Variants in CFDP1 observed in about 807,000 individuals in gnomAD.
CFDP1 encodes heterochromatin-stabilizing protein CFDP1.
In CFDP1, 31 loss-of-function variants were observed where a neutral mutation model predicts 40.1. The observed-to-expected ratio is 0.77, with a 90% confidence interval of 0.58 to 1.04. The LOEUF is 1.04. Among genes scored for constraint, CFDP1 ranks in the 50% least tolerant of loss-of-function variants. CFDP1 has a pLI of 0.00. For synonymous variants in CFDP1, 167 were observed against 120.0 expected (o/e 1.39, Z -2.56); for missense variants, 423 against 343.4 (o/e 1.23, Z -1.83).
At chr16:75,406,092 A>C (rs2079097043) in intron 4 of CFDP1, among the ~76,000 whole-genome samples, 1 of 151,886 alleles carries the variant, frequency 6.6e-6, no homozygotes. Context: ...AAAATAAAAT[A>C]GGCCAGGTGC....
At chr16:75,323,132 A>T (rs971280175) in intron 5 of CFDP1, among the ~76,000 whole-genome samples, 5 of 152,106 alleles carry the variant, frequency 3.3e-5, no homozygotes, top group Non-Finnish European at 5.9e-5. Context: ...TTAGCTTAAA[A>T]CATAGCACAG....
intron 1 of CFDP1, among the ~76,000 whole-genome samples, chr16:75,430,195 G>C (rs1458544362): frequency 3.3e-5 from 5 of 151,052 alleles, no homozygotes; most frequent in African/African-American, 1.2e-4. Context: ...TTTCGAGATG[G>C]AGTCTCACTC....
At chr16:75,401,355 G>C (rs143779358) in intron 4 of CFDP1, among the ~76,000 whole-genome samples, 28 of 149,322 alleles carry the variant, frequency 1.9e-4, no homozygotes, top group African/African-American at 6.9e-4. Flanking sequence ...GTGAACCAGG[G>C]AGATGGAGCT....
At chr16:75,406,815 A>T (rs1245590823) in intron 4 of CFDP1, 1 of 152,358 alleles carries the variant, frequency 6.6e-6, no homozygotes, top group East Asian at 1.9e-4. Context: ...ACTTGAGGTC[A>T]GGAGTTTGAA....
chr16:75,331,277 A>T (rs1250780306), intron 5 of CFDP1, among the ~76,000 whole-genome samples: 2 of 152,144 alleles, frequency 1.3e-5, no homozygotes, highest in Admixed American at 6.5e-5. Context: ...CAGATTTTTT[A>T]AAATTTTGAT....
chr16:75,412,805 A>C, intron 2 of CFDP1, 51 bp from the exon 3 acceptor site: 1 of 1,425,278 alleles, frequency 7.0e-7, no homozygotes, highest in Non-Finnish European at 9.8e-7. Flanking sequence ...AAACGATTTC[A>C]GTTATCCCTC....
intron 5 of CFDP1, among the ~76,000 whole-genome samples, chr16:75,360,538 T>C (rs1453681043): frequency 6.6e-6 from 1 of 152,230 alleles, no homozygotes; most frequent in Non-Finnish European, 1.5e-5. Flanking sequence ...ACCCCTCTTC[T>C]TATATCGCAT....
At chr16:75,408,539 G>T (rs757128351) in intron 4 of CFDP1, among the ~76,000 whole-genome samples, 5 of 152,068 alleles carry the variant, frequency 3.3e-5, no homozygotes, top group Non-Finnish European at 7.3e-5. Context: ...AGCACTTTGG[G>T]AGGCTGAGGA....
At chr16:75,304,982 G>C in intron 6 of CFDP1, 42 bp downstream of exon 6, 1 of 1,593,154 alleles carries the variant, frequency 6.3e-7, no homozygotes. Flanking sequence ...TGATTTCAGG[G>C]TTCTGAGGAT....
intron 1 of CFDP1, among the ~76,000 whole-genome samples, chr16:75,415,121 T>A (rs1285644850): frequency 1.3e-5 from 2 of 152,162 alleles, no homozygotes; most frequent in Admixed American, 1.3e-4. Flanking sequence ...ATCTTTCAAA[T>A]CTAATTTAAA....
intron 1 of CFDP1, among the ~76,000 whole-genome samples, chr16:75,432,007 G>A (rs1248856188): frequency 1.3e-5 from 2 of 150,248 alleles, no homozygotes; most frequent in African/African-American, 2.4e-5. Flanking sequence ...CACCTCCCGA[G>A]TTCAAGCGAT....
At chr16:75,418,603 C>T (rs1190435773) in intron 1 of CFDP1, among the ~76,000 whole-genome samples, 1 of 152,010 alleles carries the variant, frequency 6.6e-6, no homozygotes, top group Non-Finnish European at 1.5e-5. Flanking sequence ...GCCAACGCGC[C>T]CGGCTAACCC....
chr16:75,403,897 C>T (rs1043098594), intron 4 of CFDP1, among the ~76,000 whole-genome samples: 4 of 151,996 alleles, frequency 2.6e-5, no homozygotes, highest in East Asian at 1.9e-4. Flanking sequence ...TTTGGGAGGC[C>T]GAAGTGGGCG....
At chr16:75,422,103 CTCT>C (rs1024230551) in intron 1 of CFDP1, among the ~76,000 whole-genome samples, 2 of 152,116 alleles carry the variant, frequency 1.3e-5, no homozygotes, top group African/African-American at 4.8e-5. Flanking sequence ...CTCTCTCTCT[CTCT>C]TTTTTTTGAG....
At chr16:75,314,164 C>T (rs910352841) in intron 5 of CFDP1, among the ~76,000 whole-genome samples, 13 of 152,166 alleles carry the variant, frequency 8.5e-5, no homozygotes, top group Admixed American at 2.0e-4. Flanking sequence ...AGATTACAGG[C>T]GTGAGCCATC....
intron 4 of CFDP1, among the ~76,000 whole-genome samples, chr16:75,397,054 C>T (rs534474126): frequency 3.3e-5 from 5 of 152,164 alleles, no homozygotes; most frequent in South Asian, 2.1e-4. Flanking sequence ...GCTGGGACTA[C>T]GGGTGCCCGC....
At chr16:75,301,199 G>A (rs908928972) in intron 6 of CFDP1, among the ~76,000 whole-genome samples, 2 of 152,110 alleles carry the variant, frequency 1.3e-5, no homozygotes, top group African/African-American at 2.4e-5. Flanking sequence ...ATAATCACGA[G>A]AGGTATATTA....
intron 5 of CFDP1, among the ~76,000 whole-genome samples, chr16:75,390,188 C>T (rs2078935378): frequency 6.6e-6 from 1 of 152,148 alleles, no homozygotes; most frequent in Admixed American, 6.5e-5. Context: ...TCCTGGTTGG[C>T]CCCTAGATTC....
chr16:75,347,343 CAAAAAAA>C (rs762900031), intron 5 of CFDP1, among the ~76,000 whole-genome samples: 4 of 91,624 alleles, frequency 4.4e-5, no homozygotes, highest in Non-Finnish European at 6.2e-5. Context: ...GACTCCATCT[CAAAAAAA>C]AAAAAAAAAA....
Sources: allele counts gnomAD v4.1 joint callset (sites outside exome capture counted in the v4.1 genomes callset), GRCh38; gene constraint gnomAD v4.1.1; transcripts MANE v1.5; gene names NCBI Gene and HGNC (gene_info 2026-07-23, HGNC 2026-07-21).